AFAP1: variants seen among roughly 807,000 people sequenced by gnomAD.
AFAP1 encodes the protein actin filament-associated protein 1.
AFAP1 carries 75 observed loss-of-function variants against 93.9 expected under a neutral mutation model. The ratio of observed to expected loss-of-function variants is 0.80; its 90% CI spans 0.66 to 0.97. The LOEUF is 0.97. Ranked by LOEUF, AFAP1 falls within the 50% of genes least tolerant of loss-of-function variation. The pLI is 0.00. For synonymous variants in AFAP1, 517 were observed against 430.7 expected, an observed-to-expected ratio of 1.20 and a Z score of -2.48; for missense variants, 1,201 against 1,050.8, an observed-to-expected ratio of 1.14 and a Z score of -1.98.
chr4:7,826,172 A>G (rs954925540), intron 6 of AFAP1, among the ~76,000 whole-genome samples: 2 of 152,204 alleles, frequency 1.3e-5, no homozygotes, highest in East Asian at 3.8e-4. Flanking sequence ...GGGCTGGCAT[A>G]CCTGTTGACA....
chr4:7,809,613 C>A lies in AFAP1; in HGVS notation c.1054+1G>T. 6.2e-7 allele frequency: 1 copy of A among 1,612,114 alleles called. No individual in the cohort carries two copies. The highest frequency in any genetic ancestry group is 8.5e-7 in the Non-Finnish European group (1 of 1,179,410). ...CTCGTCTCCGGGAAGCGCAGTCTTA[C>A]CGCAGGTGGGAACATCTTCCTCAGC... is the stretch of plus-strand genomic sequence containing the variant. On this transcript the variant is annotated splice_donor_variant, in intron 9 of 17. Coordinates refer to ENST00000420658, the MANE Select transcript of AFAP1 (RefSeq NM_001134647.2). LOFTEE classifies it high-confidence loss of function.
intron 6 of AFAP1, among the ~76,000 whole-genome samples, chr4:7,824,997 T>C (rs1721298122): frequency 6.6e-6 from 1 of 152,248 alleles, no homozygotes; most frequent in Non-Finnish European, 1.5e-5. Flanking sequence ...AACAGCAGTT[T>C]ATATTAATAA....
chr4:7,850,600 G>C (rs2149132021), intron 4 of AFAP1, among the ~76,000 whole-genome samples: 1 of 152,354 alleles, frequency 6.6e-6, no homozygotes, highest in Non-Finnish European at 1.5e-5. Context: ...AGGAGAAACT[G>C]AGGAACCTGG....
At chr4:7,772,793 T>C in intron 16 of AFAP1, 27 bp downstream of exon 16, 2 of 1,606,928 alleles carry the variant, frequency 1.2e-6, no homozygotes, top group Non-Finnish European at 1.7e-6. Context: ...CGCGCCAGCC[T>C]CCGAGGTGAG....
chr4:7,899,552 TATA>T (rs1410481627), intron 1 of AFAP1, among the ~76,000 whole-genome samples: 1 of 152,240 alleles, frequency 6.6e-6, no homozygotes, highest in Non-Finnish European at 1.5e-5. Flanking sequence ...GCTCCGCTTA[TATA>T]AAAGAAAACC....
At chr4:7,929,108 C>T (rs996490123) in intron 1 of AFAP1, among the ~76,000 whole-genome samples, 2 of 152,244 alleles carry the variant, frequency 1.3e-5, no homozygotes, top group South Asian at 2.1e-4. Context: ...CTACATTTCT[C>T]ATGCAGGGCA....
At position 7,838,813 on chromosome 4, in the gene AFAP1, T is replaced by C. The variant is rs545678293; in HGVS notation, c.547-110A>G. On this transcript the variant is annotated intron_variant, in intron 5 of 17. Transcript: ENST00000420658. ...AGTGCGGGCAAGGCATCTGAAAGTCTGAATCTGCAGATGAGCAGGTTCACA... is the reference window on the plus strand; with the variant it reads ...AGTGCGGGCAAGGCATCTGAAAGTCCGAATCTGCAGATGAGCAGGTTCACA... 28 of 1,200,944 alleles carry C rather than the reference T, an allele frequency of 2.3e-5. No individual in the cohort carries two copies. The African/African-American group carries it at 3.9e-4, about 17-fold the overall frequency. 74.4% of individuals were successfully genotyped at this position (1,200,944 alleles called of 1,614,324 possible).
intron 4 of AFAP1, among the ~76,000 whole-genome samples, chr4:7,847,798 T>TG (rs752684366): frequency 7.0e-6 from 1 of 142,630 alleles, no homozygotes; most frequent in African/African-American, 2.8e-5. Context: ...GTACTCGGGG[T>TG]GGGGCATTGA....
chr4:7,853,953 A>G (rs911407579), intron 4 of AFAP1, among the ~76,000 whole-genome samples: 4 of 152,174 alleles, frequency 2.6e-5, no homozygotes, highest in Non-Finnish European at 4.4e-5. Context: ...AGCCCCACTG[A>G]AGGGGCCGTG....
At chr4:7,807,423 C>T (rs141156974) in intron 9 of AFAP1, among the ~76,000 whole-genome samples, 12 of 152,340 alleles carry the variant, frequency 7.9e-5, no homozygotes, top group Middle Eastern at 3.4e-3. Flanking sequence ...CCTCCCCATT[C>T]CGTGCTACAG....
chr4:7,868,609 G>C lies in AFAP1; in HGVS notation c.225+13C>G, dbSNP rs768638823. The C allele has an allele frequency of 6.2e-7, 1 of 1,608,956 alleles. No homozygotes were observed. Among genetic ancestry groups the C allele is most frequent in the Non-Finnish European group, 8.5e-7 (1 of 1,179,080 alleles). Reference sequence around the variant, plus strand: ...CCAGCGATGACCACTGAGATGGTGGGACCTTGACTCACCAGCCAGGGCTGA... The same window carrying C: ...CCAGCGATGACCACTGAGATGGTGGCACCTTGACTCACCAGCCAGGGCTGA... On this transcript the variant is annotated intron_variant, in intron 3 of 17. Transcript: ENST00000420658.
chr4:7,834,928 C>G (rs1398947019), intron 6 of AFAP1, among the ~76,000 whole-genome samples: 2 of 150,258 alleles, frequency 1.3e-5, no homozygotes, highest in Non-Finnish European at 3.0e-5. Flanking sequence ...TTAAGGTTAC[C>G]TGGGTGGCTC....
chr4:7,812,331 G>A (rs1415672340), intron 8 of AFAP1, among the ~76,000 whole-genome samples: 1 of 152,048 alleles, frequency 6.6e-6, no homozygotes. Flanking sequence ...GCGGTGAGCT[G>A]GGGTGTCAGA....
At chr4:7,916,607 CT>C (rs1283737302) in intron 1 of AFAP1, among the ~76,000 whole-genome samples, 1 of 152,106 alleles carries the variant, frequency 6.6e-6, no homozygotes, top group African/African-American at 2.4e-5. Context: ...TCCCCTCCCC[CT>C]CCTGCAGGAG....
At position 7,761,330 on chromosome 4, in the gene AFAP1, T is replaced by C. The variant is rs1261292233; in HGVS notation, c.*2435A>G. ...GACCACGATGGGGTTTGTTAACGTTTGCCTCCGCTTTAAAAGGCTTAGGGT... is the reference window on the plus strand; with the variant it reads ...GACCACGATGGGGTTTGTTAACGTTCGCCTCCGCTTTAAAAGGCTTAGGGT... On this transcript the variant is annotated 3_prime_UTR_variant, in exon 18 of 18. Coordinates refer to ENST00000420658, the MANE Select transcript of AFAP1 (RefSeq NM_001134647.2). 1 of 152,252 alleles carries C rather than the reference T, an allele frequency of 6.6e-6. No homozygotes were observed. Among genetic ancestry groups the C allele is most frequent in the African/African-American group, 2.4e-5 (1 of 41,468 alleles). The allele number at this position is 152,252 out of a possible 1,614,324, so 9.4% of individuals were successfully genotyped here.
chr4:7,900,711 G>A (rs1318349729), intron 1 of AFAP1, among the ~76,000 whole-genome samples: 1 of 152,188 alleles, frequency 6.6e-6, no homozygotes, highest in Non-Finnish European at 1.5e-5. Context: ...TTGAAAAACT[G>A]TACAACTAAA....
At chr4:7,812,034 A>G (rs1039537761) in intron 8 of AFAP1, among the ~76,000 whole-genome samples, 1 of 151,392 alleles carries the variant, frequency 6.6e-6, no homozygotes, top group Non-Finnish European at 1.5e-5. Flanking sequence ...CTGAAGGCAC[A>G]GCCCCTCCCA....
intron 14 of AFAP1, chr4:7,775,364 T>C (rs1315879216): frequency 6.5e-6 from 1 of 153,632 alleles, no homozygotes; most frequent in Admixed American, 6.5e-5. Flanking sequence ...TTTAATTCAC[T>C]TCCCTTTGAG....
chr4:7,776,731 A>G (rs1039365473), intron 14 of AFAP1: 2 of 152,206 alleles, frequency 1.3e-5, no homozygotes, highest in Non-Finnish European at 2.9e-5. Context: ...GCCTGAGGAG[A>G]GGCGAAGCAT....
Sources: gnomAD v4.1 joint callset for allele counts (sites outside exome capture counted in the v4.1 genomes callset) on GRCh38, gnomAD v4.1.1 for gene constraint, MANE v1.5 for transcripts, NCBI Gene and HGNC (gene_info 2026-07-23, HGNC 2026-07-21) for gene names.